The following SFMBT2 variants were observed in gnomAD, a reference collection of about 807,000 sequenced individuals.
The protein encoded by SFMBT2 is scm-like with four MBT domains protein 2.
A neutral mutation model predicts 110.1 loss-of-function variants in SFMBT2; 38 were observed. The ratio of observed to expected loss-of-function variants is 0.35; its 90% CI spans 0.27 to 0.45. The LOEUF (loss-of-function observed/expected upper bound fraction) is 0.45, where lower values mean the gene tolerates loss of function less well. Ranked by LOEUF, SFMBT2 falls within the 20% of genes least tolerant of loss-of-function variation. The pLI is 1.00. For missense variants in SFMBT2, 1,011 were observed against 1,094.9 expected, an observed-to-expected ratio of 0.92 and a Z score of 1.08; for synonymous variants, 425 against 425.4, an observed-to-expected ratio of 1.00 and a Z score of 0.01.
intron 4 of SFMBT2, among the ~76,000 whole-genome samples, chr10:7,310,347 C>T (rs1002677552): frequency 3.9e-5 from 6 of 152,174 alleles, no homozygotes; most frequent in Non-Finnish European, 8.8e-5. Flanking sequence ...TCCCAAGATG[C>T]CGATTCCAAC....
At chr10:7,264,257 A>T in intron 7 of SFMBT2, 2 of 241,678 alleles carry the variant, frequency 8.3e-6, no homozygotes, top group Non-Finnish European at 1.3e-5. Flanking sequence ...TTCAGACCCA[A>T]CCAAACCAGA....
chr10:7,183,895 T>C (rs954307612), intron 16 of SFMBT2, among the ~76,000 whole-genome samples: 2 of 152,210 alleles, frequency 1.3e-5, no homozygotes, highest in African/African-American at 4.8e-5. Context: ...CTCTGAGTTA[T>C]TCATCACTGA....
Position 7,309,721 on chromosome 10 carries a change from A to T in SFMBT2, c.437-23767T>A, listed in dbSNP as rs142271227. 2.2e-4 allele frequency among the ~76,000 whole-genome samples: 33 copies of T among 152,230 alleles called. 1 individual carries two copies. Among genetic ancestry groups the T allele is most frequent in the Middle Eastern group, 3.4e-3 (1 of 294 alleles). The stretch of plus-strand genomic sequence containing the variant: ...ATAAGGGAACATATATGCTCGCCTT[A>T]CTCTCATGTTAAAATAGTAATTCAG... On this transcript the variant is annotated intron_variant, in intron 4 of 20. Transcript: ENST00000397167.
At chr10:7,345,961 T>A (rs755698228) in intron 4 of SFMBT2, among the ~76,000 whole-genome samples, 1 of 152,220 alleles carries the variant, frequency 6.6e-6, no homozygotes, top group Non-Finnish European at 1.5e-5. Context: ...GACTCTGGAA[T>A]AACGGGTCAC....
chr10:7,302,636 C>T (rs1443884251), intron 4 of SFMBT2, among the ~76,000 whole-genome samples: 2 of 152,194 alleles, frequency 1.3e-5, no homozygotes, highest in Non-Finnish European at 2.9e-5. Flanking sequence ...TGATTGATTA[C>T]AAGGAGCATT....
intron 7 of SFMBT2, among the ~76,000 whole-genome samples, chr10:7,268,100 C>T (rs55999629): frequency 0.038 from 5,761 of 152,158 alleles, 184 homozygotes; most frequent in African/African-American, 0.088. Flanking sequence ...TTGCTGGGAA[C>T]GAAAAAGTAA....
chr10:7,242,405 C>T (rs754401398), intron 9 of SFMBT2, among the ~76,000 whole-genome samples: 3 of 152,158 alleles, frequency 2.0e-5, no homozygotes, highest in South Asian at 2.1e-4. Context: ...TGGAGACCTA[C>T]GATCCAAATG....
At position 7,172,048 on chromosome 10, in the gene SFMBT2, C is replaced by T. The variant is rs777579864; in HGVS notation, c.2262G>A (p.Ser754=). ...GGGTGACGGCCCTCCGGGGCCGGGCCGAGGGCACCTCCGCCGACGAGGTGT... is the reference window on the plus strand; with the variant it reads ...GGGTGACGGCCCTCCGGGGCCGGGCTGAGGGCACCTCCGCCGACGAGGTGT... ...QTDTSSAEVP[S]ARPRRAVTLR... Residue 754 remains serine (S), a synonymous_variant, in exon 19 of 21, where the codon TCG becomes TCA. Transcript: ENST00000397167. This position sits in a 1 kb window ranked among gnomAD's most constrained non-coding sequence, Gnocchi z 4.6. 14 of 1,595,314 alleles carry T rather than the reference C, an allele frequency of 8.8e-6. No homozygotes were observed. Among genetic ancestry groups the T allele is most frequent in the East Asian group, 2.3e-5 (1 of 44,040 alleles).
intron 4 of SFMBT2, among the ~76,000 whole-genome samples, chr10:7,338,094 C>T (rs1455163715): frequency 6.6e-6 from 1 of 152,196 alleles, no homozygotes; most frequent in African/African-American, 2.4e-5. Context: ...TCATTGTCTT[C>T]CACGGTACAG....
chr10:7,403,716 T>C (rs1008320060), intron 1 of SFMBT2, among the ~76,000 whole-genome samples: 1 of 151,954 alleles, frequency 6.6e-6, no homozygotes, highest in Non-Finnish European at 1.5e-5. Context: ...AATCAAGAGG[T>C]TACAATCTTA....
At chr10:7,333,149 G>A (rs1051883610) in intron 4 of SFMBT2, among the ~76,000 whole-genome samples, 3 of 152,194 alleles carry the variant, frequency 2.0e-5, no homozygotes, top group Admixed American at 6.5e-5. Context: ...TTATAGGTGT[G>A]AGCCACTGCG....
rs748644225 is a variant in SFMBT2 at position 7,186,459 on chromosome 10, C to CACACAT, written c.1808+2164_1808+2165insATGTGT. 2.3e-3 allele frequency among the ~76,000 whole-genome samples: 295 copies of CACACAT among 126,882 alleles called. 2 individuals are homozygous for CACACAT. Among genetic ancestry groups the CACACAT allele is most frequent in the African/African-American group, 8.8e-3 (272 of 30,834 alleles). The allele number at this position is 126,882 out of a possible 152,430, so 83.2% of individuals were successfully genotyped here. A position where few individuals can be genotyped will look rare whatever the true frequency, so the allele number is the denominator to read the frequency against. Reference sequence around the variant, plus strand: ...ACACACACACACACACACACACACACATATATATATATATAAAAATATTTT... The same window carrying CACACAT: ...ACACACACACACACACACACACACACACACATATATATATATATATAAAAATATTTT... On this transcript the variant is annotated intron_variant, in intron 16 of 20. Transcript: ENST00000397167.
rs912133851 is a variant in SFMBT2, at chr10:7,215,394, C to T, written c.1330+5017G>A. ...CAGTCTGGGTGACAAGAGCAAGACC[C>T]TGTCTCAAAACAAAACAAAAATATA... On this transcript the variant is annotated intron_variant, in intron 11 of 20. Coordinates refer to ENST00000397167, the MANE Select transcript of SFMBT2 (RefSeq NM_001387889.1). Among the ~76,000 whole-genome samples, 8 of 152,216 alleles carry T rather than the reference C, an allele frequency of 5.3e-5. 1 individual carries two copies. The highest frequency in any genetic ancestry group is 4.6e-4 in the Admixed American group (7 of 15,278).
chr10:7,285,194 G>T (rs565475302), intron 5 of SFMBT2: 2 of 152,298 alleles, frequency 1.3e-5, no homozygotes, highest in South Asian at 4.1e-4. Context: ...TTATGACACA[G>T]TGCCTTTCTC....
Position 7,293,707 on chromosome 10 carries a change from T to TCTCTCTCTCTCTTTCTCTCC in SFMBT2, c.437-7773_437-7754dup. 6.6e-6 allele frequency among the ~76,000 whole-genome samples: 1 copy of TCTCTCTCTCTCTTTCTCTCC among 151,836 alleles called. No individual in the cohort carries two copies. The highest frequency in any genetic ancestry group is 1.9e-4 in the East Asian group (1 of 5,174). ...GTCAAAGTTCCTCTCTCTTTCTCTT[T>TCTCTCTCTCTCTTTCTCTCC]CTCTCTCTCTCTTTCTCTCCCTCTC... On this transcript the variant is annotated intron_variant, in intron 4 of 20. Transcript: ENST00000397167. The surrounding 1 kb of genome is among the most constrained non-coding windows in gnomAD (Gnocchi z 4.6).
chr10:7,218,530 T>A (rs149607104), intron 11 of SFMBT2, among the ~76,000 whole-genome samples: 72 of 152,380 alleles, frequency 4.7e-4, no homozygotes, highest in Admixed American at 1.5e-3. Flanking sequence ...CAAACACTTT[T>A]TAGAACAACG....
chr10:7,370,475 G>A (rs182074546), intron 2 of SFMBT2, 100 bp from the exon 3 acceptor site: 2 of 995,866 alleles, frequency 2.0e-6, no homozygotes, highest in East Asian at 4.8e-5. Flanking sequence ...CAAGACACAA[G>A]CTAATTCCAC....
chr10:7,353,845 G>GGAGGC (rs1249169316), intron 4 of SFMBT2, among the ~76,000 whole-genome samples: 1 of 152,078 alleles, frequency 6.6e-6, no homozygotes, highest in Non-Finnish European at 1.5e-5. Flanking sequence ...CAGCACTTTG[G>GGAGGC]GAGGCCGAGG....
intron 7 of SFMBT2, among the ~76,000 whole-genome samples, chr10:7,254,877 G>A (rs893738015): frequency 6.6e-6 from 1 of 152,072 alleles, no homozygotes; most frequent in Non-Finnish European, 1.5e-5. Context: ...ATGGAGACTG[G>A]GCTCTGGATA....
Sources: gnomAD v4.1 joint callset for allele counts (sites outside exome capture counted in the v4.1 genomes callset) on GRCh38, gnomAD v4.1.1 for gene constraint, Gnocchi (gnomAD v3.1) non-coding constraint, MANE v1.5 for transcripts, NCBI Gene and HGNC (gene_info 2026-07-23, HGNC 2026-07-21) for gene names.